TBC1D14: variants seen among roughly 807,000 people sequenced by gnomAD.
TBC1D14 encodes the protein TBC1 domain family member 14.
A neutral mutation model predicts 79.0 loss-of-function variants in TBC1D14; 26 were observed. The observed-to-expected ratio is 0.33, with a 90% CI of 0.24 to 0.46. TBC1D14 has a LOEUF of 0.46. Ranked by LOEUF, TBC1D14 falls within the 20% of genes least tolerant of loss-of-function variation. The probability of loss-of-function intolerance (pLI) is 1.00; values close to 1 mark genes in which losing one functional copy is unlikely to be tolerated. For missense variants in TBC1D14, 769 were observed against 887.6 expected, an observed-to-expected ratio of 0.87 and a Z score of 1.70; for synonymous variants, 394 against 349.9, an observed-to-expected ratio of 1.13 and a Z score of -1.40.
intron 1 of TBC1D14, among the ~76,000 whole-genome samples, chr4:6,912,427 T>G (rs1723078944): frequency 6.6e-6 from 1 of 151,980 alleles, no homozygotes; most frequent in Non-Finnish European, 1.5e-5. Flanking sequence ...AAATAAATTT[T>G]CTTGGGCCCG....
chr4:6,976,764 CTTTTG>C (rs1224214652), intron 3 of TBC1D14, among the ~76,000 whole-genome samples: 3 of 152,090 alleles, frequency 2.0e-5, no homozygotes, highest in African/African-American at 7.2e-5. Flanking sequence ...GACTATTTTC[CTTTTG>C]TTTTAACTGA....
At chr4:7,023,167 T>C (rs1430146917) in intron 12 of TBC1D14, among the ~76,000 whole-genome samples, 5 of 152,146 alleles carry the variant, frequency 3.3e-5, no homozygotes, top group African/African-American at 9.7e-5. Context: ...GGCACAGAAT[T>C]GCTTGAACCT....
intron 1 of TBC1D14, among the ~76,000 whole-genome samples, chr4:6,916,129 G>A (rs1267088152): frequency 7.2e-5 from 10 of 139,578 alleles, no homozygotes; most frequent in Non-Finnish European, 9.2e-5. Flanking sequence ...TCCATCTCAG[G>A]AAAAAAAAAA....
intron 3 of TBC1D14, among the ~76,000 whole-genome samples, chr4:6,979,800 A>G (rs142474386): frequency 6.6e-6 from 1 of 152,342 alleles, no homozygotes; most frequent in East Asian, 1.9e-4. Context: ...TAATATTATA[A>G]AAAGTAGACT....
chr4:6,914,985 G>A (rs1723280772), intron 1 of TBC1D14, among the ~76,000 whole-genome samples: 1 of 152,184 alleles, frequency 6.6e-6, no homozygotes, highest in East Asian at 1.9e-4. Flanking sequence ...GTTGTGGTGA[G>A]CCCAGATCAT....
chr4:6,943,109 C>T (rs1013158548), intron 2 of TBC1D14, among the ~76,000 whole-genome samples: 1 of 152,112 alleles, frequency 6.6e-6, no homozygotes, highest in Admixed American at 6.5e-5. Flanking sequence ...CTGGGTTGTT[C>T]GGTATTACAC....
rs1722951685 is a variant in TBC1D14, at chr4:7,030,513, C to CTGGAATCAATCCCA, written c.*121_*122insTGGAATCAATCCCA. The CTGGAATCAATCCCA allele has an allele frequency of 4.3e-5, 43 of 995,092 alleles. No individual in the cohort carries two copies. In the South Asian group the frequency reaches 4.7e-4, roughly 11 times the overall value. 61.6% of individuals were successfully genotyped at this position (995,092 alleles called of 1,614,324 possible). On this transcript the variant is annotated 3_prime_UTR_variant, in exon 14 of 14. Transcript: ENST00000409757. ...GACGCTCTTTAAGTTTGATTCCTAA[C>CTGGAATCAATCCCA]ACTGGAGTTGGCCTTAAACAAAACA... is the stretch of plus-strand genomic sequence containing the variant.
intron 9 of TBC1D14, 94 bp downstream of exon 9, chr4:7,006,820 T>G (rs1423473608): frequency 2.6e-6 from 3 of 1,153,100 alleles, no homozygotes; most frequent in Non-Finnish European, 2.5e-6. Context: ...TGAAAGGTAC[T>G]TGGGTTTTTG....
In TBC1D14 at chr4:7,006,665, G is replaced by A; in HGVS notation, c.1385G>A (p.Ser462Asn). ...AGFSAADREA[S>N]LELIKLDISR... Reference sequence around the variant, plus strand: ...TTTTCAGCAGCAGACAGAGAAGCCAGTCTGGAGCTTATTAAACTGGACATT... The same window carrying A: ...TTTTCAGCAGCAGACAGAGAAGCCAATCTGGAGCTTATTAAACTGGACATT... The change falls in exon 9 of 14, where the codon AGT becomes AAT. Residue 462 changes from serine to asparagine, a missense_variant. Transcript: ENST00000409757. 1 of 1,614,104 alleles carries A rather than the reference G, an allele frequency of 6.2e-7. No individual in the cohort carries two copies. The highest frequency in any genetic ancestry group is 8.5e-7 in the Non-Finnish European group (1 of 1,179,990).
chr4:6,960,179 T>C (rs962795751), intron 2 of TBC1D14, among the ~76,000 whole-genome samples: 1 of 148,786 alleles, frequency 6.7e-6, no homozygotes, highest in Non-Finnish European at 1.5e-5. Context: ...CCTCCGGGGC[T>C]CAAGTGATCT....
intron 7 of TBC1D14, among the ~76,000 whole-genome samples, chr4:7,002,048 C>T (rs1719727663): frequency 6.6e-6 from 1 of 152,116 alleles, no homozygotes; most frequent in Admixed American, 6.5e-5. Context: ...TGATTTGTAT[C>T]TTCGCTCTCT....
At chr4:6,985,317 T>C (rs1281780237) in intron 3 of TBC1D14, among the ~76,000 whole-genome samples, 1 of 152,252 alleles carries the variant, frequency 6.6e-6, no homozygotes, top group African/African-American at 2.4e-5. Context: ...CAGGATCCAG[T>C]CAGGTTTGTG....
chr4:6,984,980 A>G (rs1717693065), intron 3 of TBC1D14, among the ~76,000 whole-genome samples: 2 of 152,160 alleles, frequency 1.3e-5, no homozygotes, highest in South Asian at 4.1e-4. Flanking sequence ...AAAGACCGAG[A>G]GAAAAGCCCC....
intron 2 of TBC1D14, among the ~76,000 whole-genome samples, chr4:6,962,121 C>T (rs797021583): frequency 3.3e-5 from 5 of 152,302 alleles, no homozygotes; most frequent in African/African-American, 1.2e-4. Context: ...CTCCCACCTG[C>T]TGCAGAAGGA....
chr4:6,965,282 C>G (rs996933223), intron 2 of TBC1D14, among the ~76,000 whole-genome samples: 3 of 152,070 alleles, frequency 2.0e-5, no homozygotes, highest in Non-Finnish European at 2.9e-5. Context: ...CTCAGCCTCC[C>G]GAGTAGCTGG....
chr4:7,015,453 C>T (rs1302458432), intron 12 of TBC1D14, among the ~76,000 whole-genome samples: 1 of 152,078 alleles, frequency 6.6e-6, no homozygotes, highest in African/African-American at 2.4e-5. Context: ...GATTTGACTT[C>T]AGATGGGTGA....
At chr4:6,949,730 T>C (rs1005721147) in intron 2 of TBC1D14, among the ~76,000 whole-genome samples, 21 of 151,618 alleles carry the variant, frequency 1.4e-4, no homozygotes, top group African/African-American at 5.1e-4. Context: ...AGGTTTTCTT[T>C]CATTTCTCCA....
intron 2 of TBC1D14, among the ~76,000 whole-genome samples, chr4:6,929,275 C>T (rs1030236020): frequency 6.6e-6 from 1 of 152,016 alleles, no homozygotes; most frequent in African/African-American, 2.4e-5. Flanking sequence ...ATTAGAGTTG[C>T]GGCGATGAAA....
intron 1 of TBC1D14, among the ~76,000 whole-genome samples, chr4:6,915,970 C>A (rs1439405092): frequency 2.7e-5 from 4 of 149,860 alleles, no homozygotes; most frequent in African/African-American, 7.4e-5. Flanking sequence ...AAAAAAAATG[C>A]AAAAAATTAG....
Sources: allele counts gnomAD v4.1 joint callset (sites outside exome capture counted in the v4.1 genomes callset), GRCh38; gene constraint gnomAD v4.1.1; transcripts MANE v1.5; gene names NCBI Gene and HGNC (gene_info 2026-07-23, HGNC 2026-07-21).